Variants in ZNF521 observed in about 807,000 individuals in gnomAD.
The protein encoded by ZNF521 is zinc finger protein 521.
A neutral mutation model predicts 105.5 loss-of-function variants in ZNF521; 14 were observed. That is an observed-to-expected ratio of 0.13 (90% confidence interval 0.09 to 0.21). The LOEUF (loss-of-function observed/expected upper bound fraction) is 0.21, where lower values mean the gene tolerates loss of function less well. ZNF521 is among the 10% of genes least tolerant of loss of function. The pLI is 1.00. For synonymous variants in ZNF521, 635 were observed against 606.0 expected (o/e 1.05, Z -0.70); for missense variants, 1,233 against 1,629.7 (o/e 0.76, Z 4.19).
intron 4 of ZNF521, among the ~76,000 whole-genome samples, chr18:25,220,271 T>C (rs1026768103): frequency 1.3e-5 from 2 of 152,196 alleles, no homozygotes; most frequent in Non-Finnish European, 1.5e-5. Flanking sequence ...TTTCTCTAAG[T>C]ACAATGCATT....
Position 25,083,310 on chromosome 18 carries a change from T to G in ZNF521, c.3906+6155A>C, listed in dbSNP as rs545371606. 8.4e-4 allele frequency among the ~76,000 whole-genome samples: 128 copies of G among 152,322 alleles called. 2 individuals carry two copies. The highest frequency in any genetic ancestry group is 1.4e-3 in the Non-Finnish European group (98 of 68,036). ...GGAAACTGATTAACATGAAACCATG[T>G]CCAGATATGACTCATTGCAAAATTA... On this transcript the variant is annotated intron_variant, in intron 7 of 7. Transcript: ENST00000361524.
chr18:25,325,841 T>A (rs1055078806), intron 2 of ZNF521, among the ~76,000 whole-genome samples: 10 of 152,220 alleles, frequency 6.6e-5, no homozygotes, highest in African/African-American at 2.4e-4. Context: ...TAACATTACT[T>A]ATAAATAGGA....
chr18:25,272,140 C>T (rs146493533), intron 3 of ZNF521, among the ~76,000 whole-genome samples: 5 of 152,176 alleles, frequency 3.3e-5, no homozygotes, highest in Non-Finnish European at 5.9e-5. Flanking sequence ...ATTTACACAG[C>T]CAACAAACAT....
At chr18:25,208,198 T>C (rs2036116248) in intron 4 of ZNF521, among the ~76,000 whole-genome samples, 1 of 152,206 alleles carries the variant, frequency 6.6e-6, no homozygotes, top group African/African-American at 2.4e-5. Flanking sequence ...GGAATCACTA[T>C]TTGAAGATAT....
chr18:25,197,936 T>C (rs758825343), intron 4 of ZNF521, among the ~76,000 whole-genome samples: 1 of 151,830 alleles, frequency 6.6e-6, no homozygotes, highest in Non-Finnish European at 1.5e-5. Context: ...ATGAGGATTG[T>C]CATCTCCCTT....
At chr18:25,212,474 C>T (rs1179303603) in intron 4 of ZNF521, among the ~76,000 whole-genome samples, 17 of 123,912 alleles carry the variant, frequency 1.4e-4, no homozygotes, top group African/African-American at 5.3e-4. Flanking sequence ...CATGCCACTT[C>T]ACTCCAGCCT....
chr18:25,337,120 AGCAC>A (rs1179797557), intron 2 of ZNF521, among the ~76,000 whole-genome samples: 2 of 152,206 alleles, frequency 1.3e-5, no homozygotes, highest in Non-Finnish European at 2.9e-5. Context: ...ATGTTTGCTA[AGCAC>A]CTACTATATT....
chr18:25,130,062 A>G (rs918410657), intron 5 of ZNF521, among the ~76,000 whole-genome samples: 11 of 152,214 alleles, frequency 7.2e-5, no homozygotes, highest in African/African-American at 2.2e-4. Context: ...CTTTAGTTAT[A>G]ACTGCCCAAA....
chr18:25,147,699 G>C (rs192811805), intron 5 of ZNF521, among the ~76,000 whole-genome samples: 19 of 152,258 alleles, frequency 1.2e-4, no homozygotes, highest in African/African-American at 4.3e-4. Context: ...AGGGCTGCTT[G>C]TATTTCTCCC....
intron 7 of ZNF521, among the ~76,000 whole-genome samples, chr18:25,076,680 GC>G (rs2033370153): frequency 6.6e-6 from 1 of 152,106 alleles, no homozygotes; most frequent in Non-Finnish European, 1.5e-5. Context: ...TGTGGAGTTG[GC>G]AATTGCATGA....
intron 1 of ZNF521, 31 bp from the exon 2 acceptor site, chr18:25,350,978 T>A (rs1340754863): frequency 2.0e-6 from 3 of 1,533,426 alleles, no homozygotes; most frequent in Non-Finnish European, 2.6e-6. Flanking sequence ...TTGTTTCAAT[T>A]CAGCCCTGAA....
intron 5 of ZNF521, among the ~76,000 whole-genome samples, chr18:25,152,646 C>A (rs902428779): frequency 7.9e-5 from 12 of 151,904 alleles, no homozygotes; most frequent in African/African-American, 2.7e-4. Flanking sequence ...GGAGAGGAGA[C>A]CCCGGAAAAT....
At chr18:25,310,257 T>C (rs28552983) in intron 3 of ZNF521, among the ~76,000 whole-genome samples, 3,771 of 152,232 alleles carry the variant, frequency 0.025, 163 homozygotes, top group African/African-American at 0.086. Flanking sequence ...AATAGTTCAG[T>C]GTACATGCCT....
At chr18:25,111,392 T>C (rs901810077) in intron 5 of ZNF521, among the ~76,000 whole-genome samples, 1 of 152,196 alleles carries the variant, frequency 6.6e-6, no homozygotes, top group Non-Finnish European at 1.5e-5. Context: ...TTAGAAGTCA[T>C]TGTGTTTAAC....
rs1280635242 is a variant in ZNF521 at position 25,344,118 on chromosome 18, T to TTACTAAAC, written c.40+6781_40+6788dup. 7.9e-5 allele frequency among the ~76,000 whole-genome samples: 12 copies of TTACTAAAC among 151,194 alleles called. No homozygotes were observed. In the East Asian group the frequency reaches 2.3e-3, roughly 30 times the overall value. ...ACTGAATTTCTTTCATCTCTAATAATTACTAAACTGGCATAATTACTTATA... is the reference window on the plus strand; with the variant it reads ...ACTGAATTTCTTTCATCTCTAATAATTACTAAACTACTAAACTGGCATAATTACTTATA... On this transcript the variant is annotated intron_variant, in intron 2 of 7. Coordinates refer to ENST00000361524, the MANE Select transcript of ZNF521 (RefSeq NM_015461.3).
At chr18:25,174,807 T>C (rs2035508782) in intron 5 of ZNF521, among the ~76,000 whole-genome samples, 3 of 152,244 alleles carry the variant, frequency 2.0e-5, no homozygotes. Context: ...TTCTGAGCAC[T>C]GTTGGTGAGC....
intron 7 of ZNF521, among the ~76,000 whole-genome samples, chr18:25,086,632 C>T (rs1432915778): frequency 6.6e-6 from 1 of 152,064 alleles, no homozygotes; most frequent in Admixed American, 6.5e-5. Flanking sequence ...ACATACTCAC[C>T]ATAAATACTG....
chr18:25,262,919 T>C (rs1210930246), intron 3 of ZNF521, among the ~76,000 whole-genome samples: 1 of 152,196 alleles, frequency 6.6e-6, no homozygotes, highest in Non-Finnish European at 1.5e-5. Flanking sequence ...AGAAACAGCT[T>C]TGTCCATTGC....
At chr18:25,086,784 A>T (rs1012396027) in intron 7 of ZNF521, among the ~76,000 whole-genome samples, 29 of 152,132 alleles carry the variant, frequency 1.9e-4, no homozygotes, top group Admixed American at 3.9e-4. Flanking sequence ...CCCAGATCAC[A>T]ATTTGTATGA....
Sources: gnomAD v4.1 joint callset for allele counts (sites outside exome capture counted in the v4.1 genomes callset) on GRCh38, gnomAD v4.1.1 for gene constraint, MANE v1.5 for transcripts, NCBI Gene and HGNC (gene_info 2026-07-23, HGNC 2026-07-21) for gene names.